Variants in ZFYVE9 observed in about 807,000 individuals in gnomAD.
ZFYVE9 encodes zinc finger FYVE-type containing 9.
In ZFYVE9, 43 loss-of-function variants were observed where a neutral mutation model predicts 126.7. The ratio of observed to expected loss-of-function variants is 0.34; its 90% CI spans 0.27 to 0.44. ZFYVE9 has a LOEUF of 0.44. ZFYVE9 is among the 20% of genes least tolerant of loss of function. The pLI is 1.00. For synonymous variants in ZFYVE9, 521 were observed against 597.4 expected (o/e 0.87, Z 1.87); for missense variants, 1,476 against 1,697.0 (o/e 0.87, Z 2.29).
chr1:52,281,925 T>C, intron 10 of ZFYVE9, 109 bp downstream of exon 10: 2 of 1,253,944 alleles, frequency 1.6e-6, no homozygotes, highest in East Asian at 2.3e-5. Context: ...GGCAGGGGAC[T>C]TTGATATTAG....
rs71577260 is a variant in ZFYVE9, at chr1:52,255,898, T to TTTTTCTTTTCTTTTCTTTTCTTTTC, written c.2179-7826_2179-7802dup. Among the ~76,000 whole-genome samples, 155 of 102,128 alleles carry TTTTTCTTTTCTTTTCTTTTCTTTTC rather than the reference T, an allele frequency of 1.5e-3. 1 individual carries two copies. Among genetic ancestry groups the TTTTTCTTTTCTTTTCTTTTCTTTTC allele is most frequent in the Non-Finnish European group, 2.2e-3 (109 of 49,560 alleles). 67.0% of individuals were successfully genotyped at this position (102,128 alleles called of 152,430 possible). ...TTCATTGAGTTTGAGCTATTTTGCT[T>TTTTTCTTTTCTTTTCTTTTCTTTTC]TTTTCTTTTCTTTTCTTTTCTTTTC... On this transcript the variant is annotated intron_variant, in intron 4 of 18. Coordinates refer to ENST00000287727, the MANE Select transcript of ZFYVE9 (RefSeq NM_004799.4).
At chr1:52,250,654 G>T (rs1645435082) in intron 4 of ZFYVE9, among the ~76,000 whole-genome samples, 1 of 151,118 alleles carries the variant, frequency 6.6e-6, no homozygotes, top group South Asian at 2.1e-4. Flanking sequence ...ATGTTAAATA[G>T]ATATGGCAAA....
chr1:52,186,834 G>A (rs2124549465), intron 1 of ZFYVE9, among the ~76,000 whole-genome samples: 1 of 152,140 alleles, frequency 6.6e-6, no homozygotes, highest in Middle Eastern at 3.4e-3. Flanking sequence ...ACAAACAAAT[G>A]GAAAAACATT....
At chr1:52,334,229 T>C (rs1033839977) in intron 14 of ZFYVE9, among the ~76,000 whole-genome samples, 1 of 152,140 alleles carries the variant, frequency 6.6e-6, no homozygotes, top group Admixed American at 6.6e-5. Context: ...AAGGGCCAAA[T>C]GATAAATATT....
chr1:52,179,363 G>C (rs748281654), intron 1 of ZFYVE9, among the ~76,000 whole-genome samples: 3 of 152,234 alleles, frequency 2.0e-5, no homozygotes, highest in South Asian at 2.1e-4. Context: ...GGCCGGGCGT[G>C]GTGGCTCATG....
chr1:52,204,049 A>G (rs1355860272), intron 1 of ZFYVE9, among the ~76,000 whole-genome samples: 2 of 151,656 alleles, frequency 1.3e-5, no homozygotes, highest in Admixed American at 6.6e-5. Flanking sequence ...CTATATCTGA[A>G]TCTAGTTCTG....
chr1:52,345,632 G>A (rs890369856), intron 18 of ZFYVE9: 2 of 155,752 alleles, frequency 1.3e-5, no homozygotes, highest in African/African-American at 4.8e-5. Context: ...TTCATCTTTG[G>A]ATCCCTGCAT....
chr1:52,194,922 A>G (rs980508879), intron 1 of ZFYVE9, among the ~76,000 whole-genome samples: 2 of 152,132 alleles, frequency 1.3e-5, no homozygotes, highest in Non-Finnish European at 2.9e-5. Flanking sequence ...TACATGCATG[A>G]CTTATTTAAT....
chr1:52,206,855 A>G (rs915232325), intron 1 of ZFYVE9, among the ~76,000 whole-genome samples: 19 of 152,140 alleles, frequency 1.2e-4, no homozygotes, highest in Non-Finnish European at 4.4e-5. Flanking sequence ...CGGCCCGGAG[A>G]TAGAGGTTTC....
chr1:52,249,443 C>T (rs1356434436), intron 4 of ZFYVE9, among the ~76,000 whole-genome samples: 2 of 152,100 alleles, frequency 1.3e-5, no homozygotes, highest in Non-Finnish European at 2.9e-5. Flanking sequence ...TATTAAAAAT[C>T]TTTGGAGAAA....
Position 52,198,120 on chromosome 1 carries a change from G to GTTTTTTTTTTTTTTTTTTTTTTT in ZFYVE9, c.-142-18246_-142-18245insTTTTTTTTTTTTTTTTTTTTTTT, listed in dbSNP as rs373096573. On this transcript the variant is annotated intron_variant, in intron 1 of 18. Transcript: ENST00000287727. The stretch of plus-strand genomic sequence containing the variant: ...AAATAATATTGTAGTGTTTTTTTTT[G>GTTTTTTTTTTTTTTTTTTTTTTT]TTTGTTTTTTTTTTTTTTTGAGATG... Among the ~76,000 whole-genome samples the GTTTTTTTTTTTTTTTTTTTTTTT allele has an allele frequency of 2.7e-5, 3 of 111,082 alleles. 1 individual carries two copies. The highest frequency in any genetic ancestry group is 1.7e-5 in the Non-Finnish European group (1 of 58,416). The allele number at this position is 111,082 out of a possible 152,430, so 72.9% of individuals were successfully genotyped here.
chr1:52,241,789 A>T (rs1002824299), intron 4 of ZFYVE9, among the ~76,000 whole-genome samples: 1 of 152,180 alleles, frequency 6.6e-6, no homozygotes, highest in African/African-American at 2.4e-5. Flanking sequence ...ATAAACATAG[A>T]TACTAATTGG....
chr1:52,303,887 A>G lies in ZFYVE9; in HGVS notation c.3400A>G (p.Lys1134Glu), dbSNP rs753975747. Reference protein sequence around the residue: ...QGLVVDMEVRKTSIKIPSNRY... With the variant: ...QGLVVDMEVRETSIKIPSNRY... The stretch of plus-strand genomic sequence containing the variant: ...TTTGGTGGTTGATATGGAAGTTCGG[A>G]AAACTAGCATCAAAATTCCCAGCAA... Residue 1134 changes from lysine (K) to glutamate (E), a missense_variant, in exon 13 of 19, where the codon AAA becomes GAA. Physicochemically the swap from Lys to Glu is moderately conservative, Grantham distance 56. Transcript: ENST00000287727. The G allele has an allele frequency of 6.2e-7, 1 of 1,600,844 alleles. No individual in the cohort carries two copies. The highest frequency in any genetic ancestry group is 1.1e-5 in the South Asian group (1 of 88,546).
intron 1 of ZFYVE9, chr1:52,162,487 CCCTTACCATAGCCT>C (rs1012773515): frequency 3.9e-6 from 1 of 253,462 alleles, no homozygotes; most frequent in Admixed American, 3.8e-5. Flanking sequence ...TTTCTGTTTG[CCCTTACCATAGCCT>C]CCTTTGAGTC....
rs1645284023 is a variant in ZFYVE9 at position 52,237,519 on chromosome 1, A to G, written c.102A>G (p.Thr34=). Residue 34 remains threonine, a synonymous_variant, in exon 4 of 19, where the codon ACA becomes ACG. Coordinates refer to ENST00000287727, the MANE Select transcript of ZFYVE9 (RefSeq NM_004799.4). ...CAGTTTCTTCTACTTTATTGGATAC[A>G]AAGTGGAATAAGATTCTAGATCCCC... ...DETVSSTLLD[T]KWNKILDPPS... 1.2e-6 allele frequency: 2 copies of G among 1,612,806 alleles called. No homozygotes were observed. The highest frequency in any genetic ancestry group is 8.5e-7 in the Non-Finnish European group (1 of 1,179,248).
chr1:52,194,371 T>C (rs1343052092), intron 1 of ZFYVE9, among the ~76,000 whole-genome samples: 2 of 151,844 alleles, frequency 1.3e-5, no homozygotes, highest in African/African-American at 4.8e-5. Context: ...ATGGAAGACC[T>C]TCATATAAAA....
At chr1:52,144,733 C>T (rs938623757) in intron 1 of ZFYVE9, among the ~76,000 whole-genome samples, 1 of 151,564 alleles carries the variant, frequency 6.6e-6, no homozygotes, top group Non-Finnish European at 1.5e-5. Context: ...GACAGCTGAT[C>T]CAATCAGCAA....
chr1:52,217,046 G>A (rs1645077964), intron 2 of ZFYVE9, among the ~76,000 whole-genome samples: 1 of 152,026 alleles, frequency 6.6e-6, no homozygotes, highest in African/African-American at 2.4e-5. Context: ...GCTTGATGTA[G>A]CCAAAAGAAA....
chr1:52,225,950 C>G (rs1645166918), intron 2 of ZFYVE9, among the ~76,000 whole-genome samples: 2 of 152,090 alleles, frequency 1.3e-5, no homozygotes, highest in African/African-American at 2.4e-5. Flanking sequence ...AGAAAAACAG[C>G]TCTCTCTATT....
Sources: gnomAD v4.1 joint callset for allele counts (sites outside exome capture counted in the v4.1 genomes callset) on GRCh38, gnomAD v4.1.1 for gene constraint, MANE v1.5 for transcripts, NCBI Gene and HGNC (gene_info 2026-07-23, HGNC 2026-07-21) for gene names.